ADGRL3: variants seen among roughly 807,000 people sequenced by gnomAD.
ADGRL3 encodes calcium-independent alpha-latrotoxin receptor 3.
In ADGRL3, 62 loss-of-function variants were observed where a neutral mutation model predicts 153.5. That is an observed-to-expected ratio of 0.40 (90% CI 0.33 to 0.50). The LOEUF is 0.50. Ranked by LOEUF, ADGRL3 falls within the 20% of genes least tolerant of loss-of-function variation. The pLI is 0.47. For synonymous variants in ADGRL3, 710 were observed against 672.5 expected (o/e 1.06, Z -0.86); for missense variants, 1,641 against 1,859.4 (o/e 0.88, Z 2.16).
At chr4:61,817,272 C>T (rs1258220225) in intron 9 of ADGRL3, among the ~76,000 whole-genome samples, 6 of 152,022 alleles carry the variant, frequency 3.9e-5, no homozygotes, top group African/African-American at 1.2e-4. Context: ...ACTTTCAAGG[C>T]AGGGATGGCC....
intron 4 of ADGRL3, among the ~76,000 whole-genome samples, chr4:61,530,816 C>A (rs902202623): frequency 2.6e-5 from 4 of 152,086 alleles, no homozygotes; most frequent in African/African-American, 9.7e-5. Context: ...GTATTTTTGG[C>A]AGTTTACGGA....
intron 5 of ADGRL3, among the ~76,000 whole-genome samples, chr4:61,603,304 G>A (rs1274728372): frequency 6.6e-6 from 1 of 152,060 alleles, no homozygotes; most frequent in East Asian, 1.9e-4. Flanking sequence ...TTAACTTAGC[G>A]GGCTAAATTC....
intron 6 of ADGRL3, among the ~76,000 whole-genome samples, chr4:61,701,928 G>C (rs1355147673): frequency 1.3e-5 from 2 of 152,114 alleles, no homozygotes; most frequent in East Asian, 3.9e-4. Context: ...TGAGATAAGA[G>C]CACAGTTTAA....
At chr4:61,233,314 A>G (rs1393811624) in intron 1 of ADGRL3, among the ~76,000 whole-genome samples, 2 of 152,002 alleles carry the variant, frequency 1.3e-5, no homozygotes, top group Non-Finnish European at 2.9e-5. Flanking sequence ...CTTTTTTTAA[A>G]TCTTTTTAGA....
chr4:61,807,969 T>C (rs994617528), intron 8 of ADGRL3, among the ~76,000 whole-genome samples: 1 of 152,180 alleles, frequency 6.6e-6, no homozygotes, highest in Non-Finnish European at 1.5e-5. Context: ...CTGTCCCTTA[T>C]CTGTCTCACT....
At chr4:61,856,978 T>C (rs1346469754) in intron 9 of ADGRL3, among the ~76,000 whole-genome samples, 48 of 126,870 alleles carry the variant, frequency 3.8e-4, no homozygotes, top group African/African-American at 1.4e-3. Flanking sequence ...CTTTCTTTCT[T>C]TCTTTCTTTC....
chr4:61,255,058 A>G (rs1857823), intron 1 of ADGRL3, among the ~76,000 whole-genome samples: 34,194 of 152,068 alleles, frequency 0.22, 4,181 homozygotes, highest in South Asian at 0.35. Context: ...AAATTGCAGC[A>G]TAAATATCAT....
intron 9 of ADGRL3, among the ~76,000 whole-genome samples, chr4:61,845,268 T>C (rs1434246818): frequency 6.6e-6 from 1 of 152,112 alleles, no homozygotes; most frequent in Non-Finnish European, 1.5e-5. Context: ...GAAAAAGCTA[T>C]GCAGATTTCC....
At chr4:61,614,240 T>G (rs2091738436) in intron 5 of ADGRL3, among the ~76,000 whole-genome samples, 1 of 152,170 alleles carries the variant, frequency 6.6e-6, no homozygotes, top group Non-Finnish European at 1.5e-5. Flanking sequence ...CTAATAGCAT[T>G]ATGCATGCTT....
intron 15 of ADGRL3, among the ~76,000 whole-genome samples, chr4:61,939,987 A>T (rs892709552): frequency 1.3e-5 from 2 of 148,880 alleles, no homozygotes; most frequent in Admixed American, 6.7e-5. Context: ...TGTGCAGGTT[A>T]GTTACATATG....
At chr4:61,521,535 A>G (rs1194607407) in intron 4 of ADGRL3, among the ~76,000 whole-genome samples, 1 of 152,170 alleles carries the variant, frequency 6.6e-6, no homozygotes, top group Non-Finnish European at 1.5e-5. Flanking sequence ...CTTCAAGACC[A>G]ATGGAGTGTT....
At chr4:61,619,054 C>T (rs1313913942) in intron 5 of ADGRL3, among the ~76,000 whole-genome samples, 1 of 152,084 alleles carries the variant, frequency 6.6e-6, no homozygotes, top group Non-Finnish European at 1.5e-5. Context: ...TTTAAATGAG[C>T]CTTTAGGCAA....
chr4:61,856,868 G>A (rs549822411), intron 9 of ADGRL3, among the ~76,000 whole-genome samples: 55 of 150,144 alleles, frequency 3.7e-4, no homozygotes, highest in African/African-American at 1.3e-3. Context: ...CCAAAATGCT[G>A]GGATTACAGG....
At chr4:61,368,979 CT>C (rs1223469919) in intron 1 of ADGRL3, among the ~76,000 whole-genome samples, 4 of 152,082 alleles carry the variant, frequency 2.6e-5, no homozygotes, top group African/African-American at 4.8e-5. Context: ...GTATTTTATT[CT>C]CTTTGAAGCA....
At chr4:62,010,554 C>T (rs1389779562) in intron 21 of ADGRL3, among the ~76,000 whole-genome samples, 1 of 151,988 alleles carries the variant, frequency 6.6e-6, no homozygotes, top group Admixed American at 6.6e-5. Context: ...TGTGAAAGAA[C>T]AATATAAGAA....
At chr4:61,384,214 C>T (rs1051135238) in intron 2 of ADGRL3, among the ~76,000 whole-genome samples, 2 of 151,260 alleles carry the variant, frequency 1.3e-5, no homozygotes, top group African/African-American at 4.9e-5. Flanking sequence ...TGCTTAATTT[C>T]TTTGTCATTG....
At chr4:61,981,095 T>C (rs983434734) in intron 18 of ADGRL3, among the ~76,000 whole-genome samples, 1 of 152,210 alleles carries the variant, frequency 6.6e-6, no homozygotes, top group Non-Finnish European at 1.5e-5. Flanking sequence ...GTGTTCCCAT[T>C]AACAATAAAG....
At chr4:61,722,591 A>G (rs2096261228) in intron 6 of ADGRL3, among the ~76,000 whole-genome samples, 1 of 152,188 alleles carries the variant, frequency 6.6e-6, no homozygotes, top group African/African-American at 2.4e-5. Context: ...CCTTAGTACA[A>G]ATATGATTTC....
At chr4:61,897,908 G>A (rs1181565916) in intron 11 of ADGRL3, among the ~76,000 whole-genome samples, 1 of 152,102 alleles carries the variant, frequency 6.6e-6, no homozygotes, top group African/African-American at 2.4e-5. Context: ...AGCAGGGAAG[G>A]AGCTGTTCCC....
Sources: gnomAD v4.1 joint callset for allele counts (sites outside exome capture counted in the v4.1 genomes callset) on GRCh38, gnomAD v4.1.1 for gene constraint, MANE v1.5 for transcripts, NCBI Gene and HGNC (gene_info 2026-07-23, HGNC 2026-07-21) for gene names.